TPST2: variants seen among roughly 807,000 people sequenced by gnomAD.
The protein encoded by TPST2 is protein-tyrosine sulfotransferase 2.
TPST2 carries 16 observed loss-of-function variants against 27.8 expected under a neutral mutation model. The observed-to-expected ratio is 0.58, with a 90% CI of 0.39 to 0.88. The LOEUF (loss-of-function observed/expected upper bound fraction) is 0.88, where lower values mean the gene tolerates loss of function less well. Among genes scored for constraint, TPST2 ranks in the 40% least tolerant of loss-of-function variants. The pLI, the probability that TPST2 is intolerant of heterozygous loss-of-function variation, is 0.00. For synonymous variants in TPST2, 229 were observed against 231.7 expected, an observed-to-expected ratio of 0.99 and a Z score of 0.10; for missense variants, 464 against 543.1, an observed-to-expected ratio of 0.85 and a Z score of 1.45.
chr22:26,554,259 G>C (rs1353426999), intron 1 of TPST2, among the ~76,000 whole-genome samples: 2 of 152,168 alleles, frequency 1.3e-5, no homozygotes, highest in Non-Finnish European at 2.9e-5. Context: ...TCAGACAGCT[G>C]CTCAGAGTAG....
intron 1 of TPST2, among the ~76,000 whole-genome samples, chr22:26,569,153 G>A (rs1014510906): frequency 6.6e-6 from 1 of 152,050 alleles, no homozygotes; most frequent in African/African-American, 2.4e-5. Context: ...GTGAGCCACC[G>A]CGCCCAGCCT....
intron 1 of TPST2, among the ~76,000 whole-genome samples, chr22:26,575,762 A>G (rs1927808469): frequency 1.3e-5 from 2 of 152,154 alleles, no homozygotes; most frequent in African/African-American, 2.4e-5. Flanking sequence ...TTGGGAGGCC[A>G]AGGTGGGCGG....
rs547775090 is a variant in TPST2, at chr22:26,553,361, G to A, written c.-160-8686C>T. Among the ~76,000 whole-genome samples the A allele has an allele frequency of 1.1e-4, 16 of 147,004 alleles. 1 individual carries two copies. The South Asian group carries it at 3.2e-3, about 29-fold the overall frequency. Reference sequence around the variant, plus strand: ...AGGACTAGCAGAGAGGCTTGTGCATGCCTGGCAGTTTTTTTTTTTTTTTTT... The same window carrying A: ...AGGACTAGCAGAGAGGCTTGTGCATACCTGGCAGTTTTTTTTTTTTTTTTT... On this transcript the variant is annotated intron_variant, in intron 1 of 6. Coordinates refer to ENST00000338754, the MANE Select transcript of TPST2 (RefSeq NM_003595.5).
At chr22:26,540,651 T>C in intron 3 of TPST2, 138 bp downstream of exon 3, 1 of 701,102 alleles carries the variant, frequency 1.4e-6, no homozygotes, top group Non-Finnish European at 2.2e-6. Flanking sequence ...TTTTTTGGGA[T>C]AATGAAACGG....
chr22:26,552,252 C>A (rs115195524), intron 1 of TPST2, among the ~76,000 whole-genome samples: 1 of 152,092 alleles, frequency 6.6e-6, no homozygotes, highest in Non-Finnish European at 1.5e-5. Context: ...AACTAAGGAA[C>A]GCGTGGTCCG....
Position 26,536,462 on chromosome 22 carries a change from G to A in TPST2, c.867C>T (p.Val289=). Residue 289 remains valine, a synonymous_variant, in exon 4 of 7, where the codon GTC becomes GTT. Transcript: ENST00000338754. The part of the protein sequence containing the change: ...LSKIERSTDQ[V]IKPVNLEALS... ...GCGCTTCCAGGTTAACAGGCTTGAT[G>A]ACCTGGTCCGTGGACCGCTCGATCC... The A allele has an allele frequency of 6.5e-7, 1 of 1,546,200 alleles. No individual in the cohort carries two copies. Among genetic ancestry groups the A allele is most frequent in the Non-Finnish European group, 8.7e-7 (1 of 1,145,608 alleles).
At chr22:26,589,744 G>C (rs1928482676) in intron 1 of TPST2, among the ~76,000 whole-genome samples, 1 of 152,150 alleles carries the variant, frequency 6.6e-6, no homozygotes, top group Non-Finnish European at 1.5e-5. Flanking sequence ...CCCGCCAACA[G>C]ACGCTGAGCG....
At chr22:26,550,752 C>T in intron 1 of TPST2, 1 of 704,984 alleles carries the variant, frequency 1.4e-6, no homozygotes, top group East Asian at 1.3e-4. Flanking sequence ...CACCACGCCT[C>T]AACCTTCTGC....
At chr22:26,585,518 C>T (rs1268052484) in intron 1 of TPST2, among the ~76,000 whole-genome samples, 12 of 152,234 alleles carry the variant, frequency 7.9e-5, no homozygotes, top group East Asian at 5.8e-4. Flanking sequence ...GGCCCCAGAC[C>T]GGGTACATGC....
intron 1 of TPST2, among the ~76,000 whole-genome samples, chr22:26,579,919 G>A (rs181515525): frequency 3.0e-4 from 46 of 151,922 alleles, no homozygotes; most frequent in African/African-American, 1.1e-3. Context: ...GGGGATGGGT[G>A]GGAGGGAGAG....
intron 5 of TPST2, 69 bp from the exon 6 acceptor site, chr22:26,528,331 C>G: frequency 1.3e-6 from 2 of 1,494,150 alleles, no homozygotes; most frequent in Non-Finnish European, 1.8e-6. Context: ...TATTGAGGGT[C>G]ACCCCTCAGC....
At chr22:26,561,102 G>T (rs1927064620) in intron 1 of TPST2, 4 of 1,608,900 alleles carry the variant, frequency 2.5e-6, no homozygotes, top group Non-Finnish European at 3.4e-6. Context: ...AGATGAGGAA[G>T]ATGAAGAGGA....
chr22:26,551,470 A>G (rs968671003), intron 1 of TPST2, among the ~76,000 whole-genome samples: 2 of 152,182 alleles, frequency 1.3e-5, no homozygotes, highest in African/African-American at 4.8e-5. Flanking sequence ...AACCTGCCGA[A>G]GGCCATGCAG....
intron 1 of TPST2, among the ~76,000 whole-genome samples, chr22:26,582,980 G>T (rs565610006): frequency 6.6e-6 from 1 of 151,894 alleles, no homozygotes; most frequent in Non-Finnish European, 1.5e-5. Context: ...TATGCAATGG[G>T]GACAACCTCC....
chr22:26,555,299 C>G (rs769796998), intron 1 of TPST2: 1 of 519,112 alleles, frequency 1.9e-6, no homozygotes, highest in Non-Finnish European at 3.9e-6. Context: ...TACTTTTGCA[C>G]CAGCTAACTA....
At chr22:26,587,349 G>A (rs1165818844) in intron 1 of TPST2, among the ~76,000 whole-genome samples, 72 of 152,186 alleles carry the variant, frequency 4.7e-4, no homozygotes, top group Non-Finnish European at 1.5e-5. Flanking sequence ...TCCTTGCTTC[G>A]GTATTTTCAC....
At chr22:26,546,844 A>C (rs1340124768) in intron 1 of TPST2, among the ~76,000 whole-genome samples, 1 of 152,236 alleles carries the variant, frequency 6.6e-6, no homozygotes, top group Non-Finnish European at 1.5e-5. Flanking sequence ...TGAACTAAGA[A>C]TGATTTGTAA....
Position 26,564,491 on chromosome 22 carries a change from G to C in TPST2, c.-160-19816C>G, listed in dbSNP as rs184646014. 6.7e-4 allele frequency among the ~76,000 whole-genome samples: 102 copies of C among 152,312 alleles called. 2 individuals are homozygous for C. The highest frequency in any genetic ancestry group is 2.4e-3 in the African/African-American group (98 of 41,580). On this transcript the variant is annotated intron_variant, in intron 1 of 6. Transcript: ENST00000338754. ...TAACGCCGGAGGGCCGAGCAGAGGA[G>C]GGAAAGTGCTCCAGGGCCAAGAAGC...
At chr22:26,585,776 C>T (rs147279020) in intron 1 of TPST2, among the ~76,000 whole-genome samples, 62 of 152,264 alleles carry the variant, frequency 4.1e-4, no homozygotes, top group African/African-American at 1.4e-3. Flanking sequence ...TCAGGCCAGG[C>T]GTGGTGGCTC....
Sources: allele counts gnomAD v4.1 joint callset (sites outside exome capture counted in the v4.1 genomes callset), GRCh38; gene constraint gnomAD v4.1.1; transcripts MANE v1.5; gene names NCBI Gene and HGNC (gene_info 2026-07-23, HGNC 2026-07-21).